SCARA3: variants seen among roughly 807,000 people sequenced by gnomAD.
The protein encoded by SCARA3 is cellular stress response gene protein.
A neutral mutation model predicts 47.0 loss-of-function variants in SCARA3; 39 were observed. The observed-to-expected ratio is 0.83, with a 90% CI of 0.64 to 1.08. The LOEUF is 1.08. Ranked by LOEUF, SCARA3 falls within the 50% of genes least tolerant of loss-of-function variation. The probability of loss-of-function intolerance (pLI) is 0.00; values close to 1 mark genes in which losing one functional copy is unlikely to be tolerated. For missense variants in SCARA3, 724 were observed against 792.3 expected (o/e 0.91, Z 1.04); for synonymous variants, 356 against 334.1 (o/e 1.07, Z -0.71).
the SCARA3 span, among the ~76,000 whole-genome samples, chr8:27,705,247 G>A: frequency 1.6e-4 from 24 of 152,184 alleles, no homozygotes; most frequent in Non-Finnish European, 2.8e-4. Context: ...AGAGAAAGGG[G>A]GTGACCCCAC....
At chr8:27,636,342 A>G (rs1258821324) in intron 1 of SCARA3, among the ~76,000 whole-genome samples, 2 of 152,134 alleles carry the variant, frequency 1.3e-5, no homozygotes, top group African/African-American at 4.8e-5. Context: ...GAGCCCGAGG[A>G]GGGAGGATCG....
chr8:27,731,255 A>G, the SCARA3 span, among the ~76,000 whole-genome samples: 6 of 151,338 alleles, frequency 4.0e-5, no homozygotes, highest in Non-Finnish European at 8.8e-5. Flanking sequence ...ATGCCTAGCT[A>G]ATTTTTATAT....
At chr8:27,716,633 G>T in the SCARA3 span, among the ~76,000 whole-genome samples, 1 of 152,174 alleles carries the variant, frequency 6.6e-6, no homozygotes, top group African/African-American at 2.4e-5. Flanking sequence ...AATAAATGTA[G>T]ACAGAATGGT....
the SCARA3 span, among the ~76,000 whole-genome samples, chr8:27,716,600 T>C: frequency 6.6e-6 from 1 of 152,186 alleles, no homozygotes; most frequent in African/African-American, 2.4e-5. Flanking sequence ...GAAAAAGTTA[T>C]TTCTGATAAT....
chr8:27,685,432 A>G, the SCARA3 span, among the ~76,000 whole-genome samples: 1 of 152,254 alleles, frequency 6.6e-6, no homozygotes, highest in Non-Finnish European at 1.5e-5. Flanking sequence ...CTGAAAAAAT[A>G]GAACTCATCC....
chr8:27,713,587 T>C, the SCARA3 span, among the ~76,000 whole-genome samples: 1 of 152,204 alleles, frequency 6.6e-6, no homozygotes, highest in East Asian at 1.9e-4. Flanking sequence ...CTTATTTGCT[T>C]TGATGCTCAG....
At chr8:27,685,667 G>C in the SCARA3 span, among the ~76,000 whole-genome samples, 1 of 152,148 alleles carries the variant, frequency 6.6e-6, no homozygotes, top group Non-Finnish European at 1.5e-5. Context: ...TTCTATTTAA[G>C]AGAACCAGAC....
chr8:27,723,571 T>G, the SCARA3 span, among the ~76,000 whole-genome samples: 1 of 152,186 alleles, frequency 6.6e-6, no homozygotes, highest in African/African-American at 2.4e-5. Flanking sequence ...AGTCGATCCC[T>G]TCTCTGTACT....
the SCARA3 span, among the ~76,000 whole-genome samples, chr8:27,719,998 TCAGG>T: frequency 6.6e-6 from 1 of 152,090 alleles, no homozygotes; most frequent in African/African-American, 2.4e-5. Context: ...CTGCAGCTGA[TCAGG>T]GAGAACTTCC....
the SCARA3 span, among the ~76,000 whole-genome samples, chr8:27,711,731 T>G: frequency 6.6e-6 from 1 of 152,002 alleles, no homozygotes; most frequent in Non-Finnish European, 1.5e-5. Flanking sequence ...ATAATTTAAA[T>G]TATTATATAT....
rs757314343 is a variant in SCARA3 at position 27,646,972 on chromosome 8, GCCCC to G, written c.8-2723_8-2720del. ...CTTGCCCGCACCCCTGACCGCCCCC[GCCCC>G]CCCCCCGCACACACACACTATTGCC... On this transcript the variant is annotated intron_variant, in intron 1 of 5. Transcript: ENST00000301904. Among the ~76,000 whole-genome samples the G allele has an allele frequency of 1.2e-3, 28 of 23,506 alleles. 3 individuals are homozygous for G. Among genetic ancestry groups the G allele is most frequent in the Non-Finnish European group, 1.6e-3 (22 of 13,568 alleles). The allele number at this position is 23,506 out of a possible 152,430, so 15.4% of individuals were successfully genotyped here.
the SCARA3 span, among the ~76,000 whole-genome samples, chr8:27,711,378 T>G: frequency 6.6e-6 from 1 of 152,234 alleles, no homozygotes; most frequent in Non-Finnish European, 1.5e-5. Flanking sequence ...ATTGCACTTA[T>G]TTTTCTTATT....
At chr8:27,676,249 C>T (rs148682910), downstream of SCARA3, among the ~76,000 whole-genome samples, 2 of 152,206 alleles carry the variant, frequency 1.3e-5, no homozygotes, top group Non-Finnish European at 2.9e-5. Flanking sequence ...TCAACTTGCT[C>T]AAGTTCCCAG....
At chr8:27,696,968 G>A in the SCARA3 span, among the ~76,000 whole-genome samples, 633 of 152,154 alleles carry the variant, frequency 4.2e-3, 3 homozygotes, top group South Asian at 0.029. Context: ...CATGGTAATG[G>A]TTGCACAGTT....
At chr8:27,655,772 A>T (rs1216968889) in intron 3 of SCARA3, among the ~76,000 whole-genome samples, 1 of 152,172 alleles carries the variant, frequency 6.6e-6, no homozygotes, top group Non-Finnish European at 1.5e-5. Flanking sequence ...TTCTTACATA[A>T]TTGCTGTATT....
chr8:27,661,068 A>G lies in SCARA3; in HGVS notation c.1369+1529A>G, dbSNP rs369220958. On this transcript the variant is annotated intron_variant, in intron 5 of 5. Transcript: ENST00000301904. ...ATTCAGGCCTTCAACTGATTAGATG[A>G]GCCTGCTCACGCCAGGGAGGGCAAT... is the stretch of plus-strand genomic sequence containing the variant. Among the ~76,000 whole-genome samples the G allele has an allele frequency of 2.0e-4, 30 of 152,190 alleles. No homozygotes were observed. The East Asian group carries it at 5.4e-3, about 27-fold the overall frequency.
chr8:27,703,844 C>CTTTTTTTTTTT, the SCARA3 span: 7 of 54,552 alleles, frequency 1.3e-4, no homozygotes, highest in African/African-American at 3.3e-4. Context: ...GTGCTTTCTA[C>CTTTTTTTTTTT]TTTTTTTTTT....
chr8:27,726,895 C>T, the SCARA3 span, among the ~76,000 whole-genome samples: 108 of 152,014 alleles, frequency 7.1e-4, no homozygotes, highest in Middle Eastern at 6.8e-3. Flanking sequence ...AAGCAATTCT[C>T]CTGCCTCAGC....
the SCARA3 span, among the ~76,000 whole-genome samples, chr8:27,732,524 G>C: frequency 6.6e-6 from 1 of 152,318 alleles, no homozygotes; most frequent in African/African-American, 2.4e-5. Context: ...AGAAAAAGAG[G>C]TATGTATAAT....
Sources: gnomAD v4.1 joint callset for allele counts (sites outside exome capture counted in the v4.1 genomes callset) on GRCh38, gnomAD v4.1.1 for gene constraint, MANE v1.5 for transcripts, NCBI Gene and HGNC (gene_info 2026-07-23, HGNC 2026-07-21) for gene names.